The following NUP85 variants were observed in gnomAD, a reference collection of about 807,000 sequenced individuals.
NUP85 encodes nucleoporin 85, also known as nuclear pore complex protein Nup85.
NUP85 carries 23 observed loss-of-function variants against 92.8 expected under a neutral mutation model. The ratio of observed to expected loss-of-function variants is 0.25; its 90% confidence interval spans 0.18 to 0.35. The LOEUF is 0.35. Ranked by LOEUF, NUP85 falls within the 10% of genes least tolerant of loss-of-function variation. The pLI, the probability that NUP85 is intolerant of heterozygous loss-of-function variation, is 1.00. For missense variants in NUP85, 759 were observed against 822.8 expected, an observed-to-expected ratio of 0.92 and a Z score of 0.95; for synonymous variants, 314 against 306.9, an observed-to-expected ratio of 1.02 and a Z score of -0.24.
At chr17:75,212,251 T>TTTTTG (rs2075295812) in intron 4 of NUP85, among the ~76,000 whole-genome samples, 189 bp downstream of exon 4, 1 of 2,782 alleles carries the variant, frequency 3.6e-4, no homozygotes, top group African/African-American at 5.0e-4. Flanking sequence ...GTTGTTGTTT[T>TTTTTG]TTTTTTTTTT....
At chr17:75,232,015 G>A (rs1179587134) in intron 14 of NUP85, 36 bp downstream of exon 14, 2 of 1,610,826 alleles carry the variant, frequency 1.2e-6, no homozygotes, top group Non-Finnish European at 1.7e-6. Flanking sequence ...CTGTCTGTGG[G>A]ACGCAGGAGT....
intron 1 of NUP85, chr17:75,208,273 T>G: frequency 2.8e-6 from 1 of 363,630 alleles, no homozygotes; most frequent in Non-Finnish European, 4.7e-6. Context: ...CTATCTCTAC[T>G]AAAAATGAAA....
At chr17:75,228,704 G>C (rs890454338) in intron 11 of NUP85, 10 of 985,242 alleles carry the variant, frequency 1.0e-5, no homozygotes, top group Middle Eastern at 5.2e-4. Flanking sequence ...TTAGAAAAAA[G>C]GTTTCTTTCT....
intron 1 of NUP85, among the ~76,000 whole-genome samples, chr17:75,207,136 C>A (rs1266198252): frequency 2.6e-5 from 4 of 151,836 alleles, no homozygotes; most frequent in South Asian, 2.1e-4. Context: ...CAAGGAATTT[C>A]CTTGTGAGCA....
chr17:75,211,698 G>T (rs2075264464), intron 3 of NUP85, among the ~76,000 whole-genome samples: 1 of 152,090 alleles, frequency 6.6e-6, no homozygotes, highest in Non-Finnish European at 1.5e-5. Context: ...GGCCTGGCCA[G>T]TAAATACATT....
At chr17:75,208,452 A>G in intron 1 of NUP85, 75 bp from the exon 2 acceptor site, 1 of 874,378 alleles carries the variant, frequency 1.1e-6, no homozygotes, top group East Asian at 2.4e-5. Flanking sequence ...AAAAAAAAAA[A>G]AAAAAAAAAA....
intron 11 of NUP85, chr17:75,228,852 T>C: frequency 5.1e-6 from 5 of 985,446 alleles, no homozygotes; most frequent in Non-Finnish European, 6.0e-6. Context: ...GGATCCTGAC[T>C]CAGAGGCTGT....
At chr17:75,226,933 C>A (rs971366994) in intron 11 of NUP85, 4 of 284,640 alleles carry the variant, frequency 1.4e-5, no homozygotes, top group Non-Finnish European at 2.9e-5. Flanking sequence ...ATTTCCAGCC[C>A]TCTATCCAAA....
chr17:75,222,055 T>C (rs900641459), intron 7 of NUP85, among the ~76,000 whole-genome samples: 4 of 151,964 alleles, frequency 2.6e-5, no homozygotes, highest in African/African-American at 4.8e-5. Context: ...GTTTGTTTGT[T>C]TGTTTGTTTT....
chr17:75,230,049 T>G (rs1352942206), intron 11 of NUP85, among the ~76,000 whole-genome samples: 1 of 151,306 alleles, frequency 6.6e-6, no homozygotes, highest in African/African-American at 2.4e-5. Flanking sequence ...ACAAAATTTT[T>G]TTTTTTTTTT....
In NUP85 at chr17:75,231,531, G is replaced by A. The variant is rs536741412; in HGVS notation, c.1179-42G>A. The A allele has an allele frequency of 6.2e-7, 1 of 1,612,542 alleles. No homozygotes were observed. The highest frequency in any genetic ancestry group is 2.2e-5 in the East Asian group (1 of 44,882). On this transcript the variant is annotated intron_variant, in intron 12 of 18. Transcript: ENST00000245544. This position sits in a 1 kb window ranked among gnomAD's most constrained non-coding sequence, Gnocchi z 4.6. ...GTTGGGCTAAGGGGGCCCTGAACAG[G>A]GCAGGCCAGGAGTCTTGGTCTTTTG...
chr17:75,233,343 ATGTTTGTT>A (rs201486765), intron 16 of NUP85, among the ~76,000 whole-genome samples, 185 bp downstream of exon 16: 11 of 148,000 alleles, frequency 7.4e-5, no homozygotes, highest in South Asian at 4.3e-4. Context: ...TAGTGCCTCC[ATGTTTGTT>A]TGTTTGTTTG....
In NUP85 at chr17:75,228,170, A is replaced by G. The variant is rs1011246710; in HGVS notation, c.1094+2013A>G. ...GCCCTGTATCTGGATTTTTAGGAAT[A>G]AAACAGATTTGAGCAGAAGAAGTCT... On this transcript the variant is annotated intron_variant, in intron 11 of 18. Transcript: ENST00000245544. 5 of 984,748 alleles carry G rather than the reference A, an allele frequency of 5.1e-6. No homozygotes were observed. In the Admixed American group the frequency reaches 1.8e-4, roughly 36 times the overall value. 61.0% of individuals were successfully genotyped at this position (984,748 alleles called of 1,614,324 possible).
At chr17:75,233,644 G>A (rs1450338395) in intron 16 of NUP85, among the ~76,000 whole-genome samples, 1 of 150,166 alleles carries the variant, frequency 6.7e-6, no homozygotes, top group African/African-American at 2.5e-5. Context: ...TGTCACCCGG[G>A]CTGGAGTGCA....
chr17:75,235,507 G>A, intron 18 of NUP85, 71 bp from the exon 19 acceptor site: 2 of 1,101,166 alleles, frequency 1.8e-6, no homozygotes, highest in East Asian at 4.7e-5. Context: ...CTTTGGATTA[G>A]CTAGACCCTT....
chr17:75,210,007 G>A (rs2075209607), intron 3 of NUP85, 22 bp downstream of exon 3: 3 of 1,586,762 alleles, frequency 1.9e-6, no homozygotes, highest in East Asian at 4.5e-5. Context: ...GCTGTTTGGT[G>A]TTGAAGCCCA....
Position 75,213,028 on chromosome 17 carries a change from A to T in NUP85, c.362-48A>T, listed in dbSNP as rs1189670446. ...CCCTGGAATATTCAGCTATGACAAT[A>T]AGCCTAAGAGTTCCATTGCTCACTT... On this transcript the variant is annotated intron_variant, in intron 4 of 18. Transcript: ENST00000245544. 3.8e-6 allele frequency: 6 copies of T among 1,571,084 alleles called. No homozygotes were observed. In the South Asian group the frequency reaches 6.8e-5, roughly 18 times the overall value.
chr17:75,229,176 G>T (rs1482505963), intron 11 of NUP85: 4 of 984,716 alleles, frequency 4.1e-6, no homozygotes, highest in Non-Finnish European at 4.8e-6. Flanking sequence ...CCAGCTTAAT[G>T]TCTGCTGAAT....
chr17:75,230,804 CA>C lies in NUP85; in HGVS notation c.1095-535del, dbSNP rs1449833046. 3.3e-5 allele frequency among the ~76,000 whole-genome samples: 5 copies of C among 152,266 alleles called. No individual in the cohort carries two copies. The South Asian group carries it at 8.3e-4, about 25-fold the overall frequency. On this transcript the variant is annotated intron_variant, in intron 11 of 18. Transcript: ENST00000245544. The stretch of plus-strand genomic sequence containing the variant: ...GTGTGGTAGCGCATGCCTGTAATCT[CA>C]GCTACTGAAGAGGCTGAGGCATGAG...
Sources: gnomAD v4.1 joint callset for allele counts (sites outside exome capture counted in the v4.1 genomes callset) on GRCh38, gnomAD v4.1.1 for gene constraint, Gnocchi (gnomAD v3.1) non-coding constraint, MANE v1.5 for transcripts, NCBI Gene and HGNC (gene_info 2026-07-23, HGNC 2026-07-21) for gene names.